The following ST3GAL2 variants were observed in gnomAD, a reference collection of about 807,000 sequenced individuals.
ST3GAL2 encodes CMP-N-acetylneuraminate-beta-galactosamide-alpha-2,3-sialyltransferase 2.
Under a neutral mutation model 37.5 loss-of-function variants are expected in ST3GAL2, and 16 were observed. The observed-to-expected ratio is 0.43, with a 90% confidence interval of 0.29 to 0.65. The LOEUF (loss-of-function observed/expected upper bound fraction) is 0.65. ST3GAL2 is among the 30% of genes least tolerant of loss of function. ST3GAL2 has a pLI of 0.17. For synonymous variants in ST3GAL2, 238 were observed against 202.9 expected, an observed-to-expected ratio of 1.17 and a Z score of -1.47; for missense variants, 383 against 487.8, an observed-to-expected ratio of 0.79 and a Z score of 2.02.
At chr16:70,394,014 C>T (rs1462082589) in intron 3 of ST3GAL2, among the ~76,000 whole-genome samples, 1 of 152,138 alleles carries the variant, frequency 6.6e-6, no homozygotes, top group African/African-American at 2.4e-5. Context: ...TTTCTTGTCC[C>T]CAGCCAAGTC....
chr16:70,432,021 C>T (rs1042321901), intron 1 of ST3GAL2, among the ~76,000 whole-genome samples: 1 of 150,628 alleles, frequency 6.6e-6, no homozygotes, highest in African/African-American at 2.5e-5. Context: ...AAGTAGTGTA[C>T]ACCTGTAGTT....
At chr16:70,438,111 A>G (rs1364959978) in intron 1 of ST3GAL2, among the ~76,000 whole-genome samples, 5 of 152,210 alleles carry the variant, frequency 3.3e-5, no homozygotes, top group Non-Finnish European at 7.3e-5. Flanking sequence ...GGCTAACTTG[A>G]GCAAGCAAGC....
chr16:70,420,879 G>C (rs1391242572), intron 1 of ST3GAL2, among the ~76,000 whole-genome samples: 1 of 152,234 alleles, frequency 6.6e-6, no homozygotes, highest in Non-Finnish European at 1.5e-5. Context: ...TAGAAATGCA[G>C]AGTAAAAGAT....
chr16:70,382,716 A>C, intron 6 of ST3GAL2, 89 bp downstream of exon 6: 1 of 1,578,698 alleles, frequency 6.3e-7, no homozygotes, highest in Admixed American at 1.7e-5. Context: ...CTACAGAAGC[A>C]CATTCCTCTG....
At chr16:70,415,134 A>C (rs1488101596) in intron 1 of ST3GAL2, among the ~76,000 whole-genome samples, 1 of 152,176 alleles carries the variant, frequency 6.6e-6, no homozygotes, top group African/African-American at 2.4e-5. Flanking sequence ...TCGGCCTCCC[A>C]AAGTGCTGGG....
chr16:70,428,924 G>A (rs1044675706), intron 1 of ST3GAL2, among the ~76,000 whole-genome samples: 2 of 152,134 alleles, frequency 1.3e-5, no homozygotes, highest in Non-Finnish European at 2.9e-5. Flanking sequence ...GGGAGAACTT[G>A]GCAAATAAAA....
intron 1 of ST3GAL2, among the ~76,000 whole-genome samples, chr16:70,437,685 C>G (rs2047835194): frequency 6.6e-6 from 1 of 152,154 alleles, no homozygotes; most frequent in Admixed American, 6.5e-5. Context: ...CAGCAGGCAT[C>G]CCTCCCTGAA....
intron 1 of ST3GAL2, among the ~76,000 whole-genome samples, chr16:70,421,362 G>A (rs973298450): frequency 3.9e-5 from 6 of 152,202 alleles, no homozygotes; most frequent in Admixed American, 1.3e-4. Flanking sequence ...TGAGAAAAAC[G>A]AAGGTTGGGG....
At chr16:70,393,928 G>C (rs2047498500) in intron 3 of ST3GAL2, among the ~76,000 whole-genome samples, 1 of 152,162 alleles carries the variant, frequency 6.6e-6, no homozygotes, top group Non-Finnish European at 1.5e-5. Flanking sequence ...CATCCTAAGA[G>C]ATGCGTGAAA....
chr16:70,390,738 C>T (rs1158269611), intron 3 of ST3GAL2, among the ~76,000 whole-genome samples: 1 of 152,188 alleles, frequency 6.6e-6, no homozygotes, highest in African/African-American at 2.4e-5. Flanking sequence ...CTATAATAAG[C>T]CAAGAAGGCT....
At chr16:70,413,667 C>T (rs1187276967) in intron 1 of ST3GAL2, among the ~76,000 whole-genome samples, 2 of 149,048 alleles carry the variant, frequency 1.3e-5, no homozygotes, top group Non-Finnish European at 1.5e-5. Context: ...GCCCAGGAAG[C>T]GGAGGTTGCA....
chr16:70,409,161 G>T (rs2047617991), intron 1 of ST3GAL2, among the ~76,000 whole-genome samples: 1 of 152,280 alleles, frequency 6.6e-6, no homozygotes, highest in South Asian at 2.1e-4. Flanking sequence ...TTCTCGGCTG[G>T]TTGTGGTGGC....
At chr16:70,436,198 C>T (rs1009014624) in intron 1 of ST3GAL2, among the ~76,000 whole-genome samples, 1 of 151,590 alleles carries the variant, frequency 6.6e-6, no homozygotes, top group East Asian at 1.9e-4. Flanking sequence ...GAGGCCAAGG[C>T]GGGCGGATCA....
At chr16:70,409,048 G>A (rs937164852) in intron 1 of ST3GAL2, among the ~76,000 whole-genome samples, 12 of 152,014 alleles carry the variant, frequency 7.9e-5, no homozygotes, top group African/African-American at 2.9e-4. Flanking sequence ...TGCTACCTCA[G>A]GAGGGAGCCC....
intron 1 of ST3GAL2, among the ~76,000 whole-genome samples, chr16:70,432,243 C>A (rs1317324145): frequency 1.3e-5 from 2 of 152,138 alleles, no homozygotes; most frequent in African/African-American, 4.8e-5. Flanking sequence ...GTATCCACTG[C>A]ATTAATAGTT....
At chr16:70,429,976 AATCC>A (rs1287024572) in intron 1 of ST3GAL2, among the ~76,000 whole-genome samples, 5 of 152,126 alleles carry the variant, frequency 3.3e-5, no homozygotes, top group Non-Finnish European at 7.4e-5. Flanking sequence ...AGGCAGCAAG[AATCC>A]TATATGCATT....
rs1427505310 is a variant in ST3GAL2, at chr16:70,376,855, C to T, written c.*4834G>A. On this transcript the variant is annotated 3_prime_UTR_variant, in exon 7 of 7. Coordinates refer to ENST00000342907, the MANE Select transcript of ST3GAL2 (RefSeq NM_006927.4). ...CCTCCCAGGTTCAAGCAATTCTCTG[C>T]CTCGGTCTCCCGAGTAGCTGGGATC... 1 of 151,876 alleles carries T rather than the reference C, an allele frequency of 6.6e-6. No homozygotes were observed. Among genetic ancestry groups the T allele is most frequent in the Non-Finnish European group, 1.5e-5 (1 of 68,006 alleles). The allele number at this position is 151,876 out of a possible 1,614,324, so 9.4% of individuals were successfully genotyped here.
chr16:70,436,131 A>G (rs1279873468), intron 1 of ST3GAL2, among the ~76,000 whole-genome samples: 2 of 150,108 alleles, frequency 1.3e-5, no homozygotes, highest in Non-Finnish European at 3.0e-5. Flanking sequence ...ATCTCAAAAA[A>G]AAAAAAAGAC....
Position 70,381,758 on chromosome 16 carries a change from C to T in ST3GAL2, c.984G>A (p.Ala328=), listed in dbSNP as rs1478958024. ...GEFRKTGVHD[A]DFEAHIIDML... is the part of the protein sequence containing the mutation. Reference sequence around the variant, plus strand: ...TGTCGATGATGTGGGCCTCGAAGTCCGCGTCGTGCACGCCAGTCTTCCGGA... The same window carrying T: ...TGTCGATGATGTGGGCCTCGAAGTCTGCGTCGTGCACGCCAGTCTTCCGGA... The change falls in exon 7 of 7, where the codon GCG becomes GCA. Residue 328 remains alanine (A), a synonymous_variant. Coordinates refer to ENST00000342907, the MANE Select transcript of ST3GAL2 (RefSeq NM_006927.4). The T allele has an allele frequency of 1.2e-6, 2 of 1,613,990 alleles. No homozygotes were observed. The highest frequency in any genetic ancestry group is 1.3e-5 in the African/African-American group (1 of 74,944).
Sources: allele counts gnomAD v4.1 joint callset (sites outside exome capture counted in the v4.1 genomes callset), GRCh38; gene constraint gnomAD v4.1.1; transcripts MANE v1.5; gene names NCBI Gene and HGNC (gene_info 2026-07-23, HGNC 2026-07-21).